GLB1L2: variants seen among roughly 807,000 people sequenced by gnomAD.
GLB1L2 encodes beta-galactosidase-1-like protein 2.
Under a neutral mutation model 84.1 loss-of-function variants are expected in GLB1L2, and 68 were observed. The observed-to-expected ratio is 0.81, with a 90% CI of 0.67 to 0.99. The LOEUF (loss-of-function observed/expected upper bound fraction) is 0.99. Among genes scored for constraint, GLB1L2 ranks in the 50% least tolerant of loss-of-function variants. The pLI is 0.00. For missense variants in GLB1L2, 762 were observed against 805.6 expected (o/e 0.95, Z 0.66); for synonymous variants, 290 against 318.0 (o/e 0.91, Z 0.94).
chr11:134,370,190 G>C lies in GLB1L2; in HGVS notation c.1109-103G>C. 2 of 957,210 alleles carry C rather than the reference G, an allele frequency of 2.1e-6. No individual in the cohort carries two copies. The highest frequency in any genetic ancestry group is 2.2e-4 in the Middle Eastern group (1 of 4,542). 59.3% of individuals were successfully genotyped at this position (957,210 alleles called of 1,614,324 possible). On this transcript the variant is annotated intron_variant, in intron 11 of 18. Coordinates refer to ENST00000535456, the MANE Select transcript of GLB1L2 (RefSeq NM_001370461.1). The surrounding 1 kb of genome is among the most constrained non-coding windows in gnomAD (Gnocchi z 4.7). ...AGCCTGTTGTTCCTCTTGGTGCTGG[G>C]ACGCAGGAGCACATCGGGTCTGTGG...
intron 1 of GLB1L2, among the ~76,000 whole-genome samples, chr11:134,337,524 G>C (rs1170500027): frequency 1.3e-5 from 2 of 152,180 alleles, no homozygotes; most frequent in African/African-American, 2.4e-5. Flanking sequence ...CCTTCTTCAG[G>C]CCCTCAAATT....
chr11:134,350,751 A>C (rs1355611354), intron 5 of GLB1L2, among the ~76,000 whole-genome samples: 1 of 152,246 alleles, frequency 6.6e-6, no homozygotes, highest in African/African-American at 2.4e-5. Flanking sequence ...TGTAATGTAC[A>C]ATCAGTGTAC....
At chr11:134,362,809 G>T (rs1036233610) in intron 7 of GLB1L2, among the ~76,000 whole-genome samples, 7 of 152,224 alleles carry the variant, frequency 4.6e-5, no homozygotes, top group Admixed American at 1.3e-4. Context: ...TGAGGACAGG[G>T]CATCCTCCCA....
At chr11:134,372,235 A>G (rs1345104943) in intron 15 of GLB1L2, among the ~76,000 whole-genome samples, 4 of 152,174 alleles carry the variant, frequency 2.6e-5, no homozygotes, top group African/African-American at 9.7e-5. Flanking sequence ...TTCTTGATCC[A>G]TCTTGGGAAA....
chr11:134,368,964 G>C (rs1250788353), intron 10 of GLB1L2, among the ~76,000 whole-genome samples, 183 bp downstream of exon 10: 1 of 152,178 alleles, frequency 6.6e-6, no homozygotes, highest in Admixed American at 6.5e-5. Context: ...CTCAAGGGAG[G>C]TGGTGTGCCT....
At chr11:134,364,181 G>A in intron 7 of GLB1L2, 147 bp from the exon 8 acceptor site, 1 of 677,378 alleles carries the variant, frequency 1.5e-6, no homozygotes, top group East Asian at 2.6e-5. Context: ...GCGCCTGACT[G>A]TGGCTGACTT....
intron 1 of GLB1L2, among the ~76,000 whole-genome samples, chr11:134,332,735 A>C (rs1943321538): frequency 6.6e-6 from 1 of 151,656 alleles, no homozygotes. Flanking sequence ...CCCACCATTC[A>C]CCTGTTACCA....
At chr11:134,371,955 C>A in intron 15 of GLB1L2, 125 bp downstream of exon 15, 2 of 879,592 alleles carry the variant, frequency 2.3e-6, no homozygotes, top group Middle Eastern at 3.0e-4. Flanking sequence ...GCTGGGTTGT[C>A]CCATACATGA....
At chr11:134,356,223 TG>T in intron 5 of GLB1L2, 77 bp from the exon 6 acceptor site, 1 of 1,082,642 alleles carries the variant, frequency 9.2e-7, no homozygotes, top group Non-Finnish European at 1.4e-6. Context: ...TGCTAGTCAC[TG>T]GTGATGGGCG....
chr11:134,348,937 A>T (rs969025567), intron 5 of GLB1L2, among the ~76,000 whole-genome samples: 7 of 152,078 alleles, frequency 4.6e-5, no homozygotes, highest in Non-Finnish European at 1.0e-4. Flanking sequence ...GTTGGCAAGG[A>T]CTCTATGCTC....
chr11:134,364,458 A>T (rs1943838907), intron 8 of GLB1L2, 60 bp downstream of exon 8: 1 of 1,343,938 alleles, frequency 7.4e-7, no homozygotes, highest in Non-Finnish European at 1.1e-6. Flanking sequence ...GGGAATTCTG[A>T]ATGCCTGTCA....
intron 5 of GLB1L2, among the ~76,000 whole-genome samples, chr11:134,350,352 C>T (rs942982620): frequency 6.6e-6 from 1 of 152,156 alleles, no homozygotes; most frequent in Admixed American, 6.5e-5. Context: ...GCTCCGTCTA[C>T]GTGGATGCTG....
chr11:134,334,615 C>T lies in GLB1L2; in HGVS notation c.86+2468C>T, dbSNP rs766329758. Among the ~76,000 whole-genome samples, 1 of 152,040 alleles carries T rather than the reference C, an allele frequency of 6.6e-6. No homozygotes were observed. The highest frequency in any genetic ancestry group is 1.5e-5 in the Non-Finnish European group (1 of 68,010). On this transcript the variant is annotated intron_variant, in intron 1 of 18. Transcript: ENST00000535456. The surrounding 1 kb of genome is among the most constrained non-coding windows in gnomAD (Gnocchi z 4.1). ...AAGATTGTGAAAACAGCCACCAGCC[C>T]CCAAAGTTTCCATGTACCTCTCTGT...
chr11:134,375,354 G>T lies in GLB1L2; in HGVS notation c.*296G>T. ...CAGCTAATCAGATCGCCCAGCCTTT[G>T]GCCCTCAGAAAAAGTGCTGAAACGT... On this transcript the variant is annotated 3_prime_UTR_variant, in exon 19 of 19. Transcript: ENST00000535456. 5.6e-6 allele frequency: 2 copies of T among 355,836 alleles called. No homozygotes were observed. The highest frequency in any genetic ancestry group is 5.1e-6 in the Non-Finnish European group (1 of 197,892). 22.0% of individuals were successfully genotyped at this position (355,836 alleles called of 1,614,324 possible).
chr11:134,356,081 C>T (rs1721300299), intron 5 of GLB1L2: 1 of 662,124 alleles, frequency 1.5e-6, no homozygotes, highest in East Asian at 3.0e-5. Flanking sequence ...GTTTCCAGAG[C>T]TCCTATTAAG....
Position 134,347,402 on chromosome 11 carries a change from AC to A in GLB1L2, c.529del (p.His177ThrfsTer2), listed in dbSNP as rs1442967930. On this transcript the variant is annotated frameshift_variant, in exon 5 of 19. Coordinates refer to ENST00000535456, the MANE Select transcript of GLB1L2 (RefSeq NM_001370461.1). LOFTEE classifies it high-confidence loss of function. ...GFTEAVDLYF[D>X]HLMSRVVPLQ... ...ACCGAAGCAGTGGACCTTTATTTTG[AC>A]CACCTGATGTCCAGGGTGGTGCCAC... 6.2e-7 allele frequency: 1 copy of A among 1,613,956 alleles called. No individual in the cohort carries two copies.
intron 5 of GLB1L2, among the ~76,000 whole-genome samples, chr11:134,350,549 A>G (rs916212906): frequency 2.6e-5 from 4 of 152,282 alleles, no homozygotes; most frequent in African/African-American, 9.6e-5. Context: ...GCCTGCCTTA[A>G]TGCGTCTTTT....
rs1032427063 is a variant in GLB1L2 at position 134,375,070 on chromosome 11, C to T, written c.*12C>T. The stretch of plus-strand genomic sequence containing the variant: ...AGTACATTAAGTGAGCGGTGGCACC[C>T]CCTCCTGCTGGTGCCAGTGGGAGAC... On this transcript the variant is annotated 3_prime_UTR_variant, in exon 19 of 19. Transcript: ENST00000535456. The T allele has an allele frequency of 2.5e-6, 4 of 1,608,284 alleles. No homozygotes were observed. Among genetic ancestry groups the T allele is most frequent in the African/African-American group, 2.7e-5 (2 of 74,980 alleles).
chr11:134,365,676 C>T (rs958814850), intron 8 of GLB1L2, among the ~76,000 whole-genome samples: 1 of 152,200 alleles, frequency 6.6e-6, no homozygotes, highest in Non-Finnish European at 1.5e-5. Context: ...CACGCGCGAG[C>T]CTTCCCAGGC....
Sources: gnomAD v4.1 joint callset for allele counts (sites outside exome capture counted in the v4.1 genomes callset) on GRCh38, gnomAD v4.1.1 for gene constraint, Gnocchi (gnomAD v3.1) non-coding constraint, MANE v1.5 for transcripts, NCBI Gene and HGNC (gene_info 2026-07-23, HGNC 2026-07-21) for gene names.